Variants in FGF12 observed in about 807,000 individuals in gnomAD.
FGF12 encodes the protein fibroblast growth factor 12.
FGF12 carries 14 observed loss-of-function variants against 23.6 expected under a neutral mutation model. That is an observed-to-expected ratio of 0.59 (90% CI 0.39 to 0.93). The LOEUF (loss-of-function observed/expected upper bound fraction) is 0.93, where lower values mean the gene tolerates loss of function less well. FGF12 is among the 40% of genes least tolerant of loss of function. FGF12 has a pLI of 0.00. For synonymous variants in FGF12, 62 were observed against 77.3 expected, an observed-to-expected ratio of 0.80 and a Z score of 1.04; for missense variants, 175 against 217.8, an observed-to-expected ratio of 0.80 and a Z score of 1.24.
intron 2 of FGF12, among the ~76,000 whole-genome samples, chr3:192,645,845 A>C (rs1715987317): frequency 6.6e-6 from 1 of 151,668 alleles, no homozygotes; most frequent in South Asian, 2.1e-4. Flanking sequence ...ACTTTAGAGC[A>C]TACAAGCAAA....
intron 2 of FGF12, among the ~76,000 whole-genome samples, chr3:192,537,064 G>A (rs1560143250): frequency 6.6e-6 from 1 of 152,052 alleles, no homozygotes; most frequent in Non-Finnish European, 1.5e-5. Flanking sequence ...TTATCTTTCT[G>A]TGCCTGGCTT....
intron 2 of FGF12, among the ~76,000 whole-genome samples, chr3:192,442,224 T>G (rs1722220192): frequency 6.6e-6 from 1 of 152,248 alleles, no homozygotes; most frequent in Non-Finnish European, 1.5e-5. Context: ...TGTTCACCTC[T>G]GTATGTCTGT....
Position 192,378,470 on chromosome 3 carries a change from G to T in FGF12, c.14-17932C>A, listed in dbSNP as rs951483413. Among the ~76,000 whole-genome samples, 17 of 142,134 alleles carry T rather than the reference G, an allele frequency of 1.2e-4. 1 individual carries two copies. Among genetic ancestry groups the T allele is most frequent in the Admixed American group, 9.5e-4 (14 of 14,808 alleles). 93.2% of individuals were successfully genotyped at this position (142,134 alleles called of 152,430 possible). On this transcript the variant is annotated intron_variant, in intron 2 of 5. Transcript: ENST00000445105. Reference sequence around the variant, plus strand: ...CAAAGATATAGACACAACTACTTTTGTAACTGGAAATTTAAATAGGTAAAC... The same window carrying T: ...CAAAGATATAGACACAACTACTTTTTTAACTGGAAATTTAAATAGGTAAAC...
intron 2 of FGF12, among the ~76,000 whole-genome samples, chr3:192,365,182 T>C (rs1443763197): frequency 6.6e-6 from 1 of 151,840 alleles, no homozygotes; most frequent in East Asian, 1.9e-4. Context: ...CTATGCATCA[T>C]AGGCCCGTTT....
At chr3:192,619,257 A>T (rs563052635) in intron 2 of FGF12, among the ~76,000 whole-genome samples, 1 of 152,056 alleles carries the variant, frequency 6.6e-6, no homozygotes, top group African/African-American at 2.4e-5. Flanking sequence ...TCTGAAAGAG[A>T]TGTTACAGAA....
chr3:192,622,343 T>C (rs1715005977), intron 2 of FGF12, among the ~76,000 whole-genome samples: 1 of 152,152 alleles, frequency 6.6e-6, no homozygotes, highest in African/African-American at 2.4e-5. Context: ...AGGTAAGTCA[T>C]TGGTAGAATG....
At position 192,672,089 on chromosome 3, in the gene FGF12, A is replaced by C. The variant is rs764093314; in HGVS notation, c.13+55092T>G. 9.9e-5 allele frequency among the ~76,000 whole-genome samples: 15 copies of C among 151,586 alleles called. 1 individual carries two copies. Among genetic ancestry groups the C allele is most frequent in the Non-Finnish European group, 1.9e-4 (13 of 67,694 alleles). The stretch of plus-strand genomic sequence containing the variant: ...CTAGAGCGTAGCTCTCTTGACTTCC[A>C]GTCCAATAGTCTTCTATAGTAAACT... On this transcript the variant is annotated intron_variant, in intron 2 of 5. Transcript: ENST00000445105.
chr3:192,676,085 G>A (rs1717318187), intron 2 of FGF12, among the ~76,000 whole-genome samples: 2 of 152,198 alleles, frequency 1.3e-5, no homozygotes, highest in Non-Finnish European at 2.9e-5. Context: ...CCATCACACA[G>A]CCACCAAACC....
rs368361888 is a variant in FGF12, at chr3:192,227,075, TC to T, written c.229-56420del. ...ATCTGCTGGCACCTTAATCTTGAGC[TC>T]CCAGCTTCCAGAACTGTGACAAATA... On this transcript the variant is annotated intron_variant, in intron 4 of 5. Coordinates refer to ENST00000445105, the MANE Select transcript of FGF12 (RefSeq NM_004113.6). Among the ~76,000 whole-genome samples, 52 of 152,198 alleles carry T rather than the reference TC, an allele frequency of 3.4e-4. No homozygotes were observed. In the East Asian group the frequency reaches 6.0e-3, roughly 18 times the overall value.
chr3:192,300,415 T>G (rs74382434), intron 4 of FGF12, among the ~76,000 whole-genome samples: 1,948 of 152,242 alleles, frequency 0.013, 20 homozygotes, highest in South Asian at 0.038. Context: ...TTTACCTTAA[T>G]TTTTAGCTTA....
chr3:192,371,382 G>A (rs943372833), intron 2 of FGF12, among the ~76,000 whole-genome samples: 6 of 152,100 alleles, frequency 3.9e-5, no homozygotes, highest in African/African-American at 9.7e-5. Flanking sequence ...TATCCCAAAC[G>A]AGCTGCATGG....
At chr3:192,144,931 T>C (rs1202564471) in intron 5 of FGF12, among the ~76,000 whole-genome samples, 3 of 152,242 alleles carry the variant, frequency 2.0e-5, no homozygotes, top group African/African-American at 7.2e-5. Flanking sequence ...CAAATGTGAC[T>C]AGATAAGAGT....
intron 2 of FGF12, among the ~76,000 whole-genome samples, chr3:192,679,755 A>G (rs1717453958): frequency 6.6e-6 from 1 of 152,206 alleles, no homozygotes; most frequent in Non-Finnish European, 1.5e-5. Flanking sequence ...ATTATTCTAA[A>G]GCTTCTAAAT....
intron 4 of FGF12, among the ~76,000 whole-genome samples, chr3:192,300,522 T>C (rs148325039): frequency 1.2e-4 from 19 of 152,178 alleles, no homozygotes; most frequent in Admixed American, 1.2e-3. Flanking sequence ...AGGTGCCAAT[T>C]TTGGTCAAGT....
chr3:192,314,569 C>T (rs1282329842), intron 4 of FGF12, among the ~76,000 whole-genome samples: 3 of 152,094 alleles, frequency 2.0e-5, no homozygotes, highest in East Asian at 1.9e-4. Context: ...ATAATGGGCC[C>T]GTTGAGTCAA....
chr3:192,480,391 T>A (rs1476173747), intron 2 of FGF12, among the ~76,000 whole-genome samples: 1 of 152,178 alleles, frequency 6.6e-6, no homozygotes, highest in African/African-American at 2.4e-5. Context: ...TACAAGATTT[T>A]GAATATCAGT....
At chr3:192,327,190 A>C (rs1192354512) in intron 4 of FGF12, among the ~76,000 whole-genome samples, 1 of 152,200 alleles carries the variant, frequency 6.6e-6, no homozygotes, top group Non-Finnish European at 1.5e-5. Flanking sequence ...GGTGAAATTA[A>C]ATACAAATCT....
chr3:192,266,930 T>C (rs1157090114), intron 4 of FGF12: 1 of 152,116 alleles, frequency 6.6e-6, no homozygotes, highest in Non-Finnish European at 1.5e-5. Context: ...AAAGCTCTTA[T>C]TAAAGTAAAA....
chr3:192,625,356 AT>A (rs2108651116), intron 2 of FGF12, among the ~76,000 whole-genome samples: 2 of 152,220 alleles, frequency 1.3e-5, no homozygotes, highest in South Asian at 4.1e-4. Flanking sequence ...ATCTTTGAAA[AT>A]TTGTGGATTT....
Sources: allele counts gnomAD v4.1 joint callset (sites outside exome capture counted in the v4.1 genomes callset), GRCh38; gene constraint gnomAD v4.1.1; transcripts MANE v1.5; gene names NCBI Gene and HGNC (gene_info 2026-07-23, HGNC 2026-07-21).